Variants in PCDH15 observed in about 807,000 individuals in gnomAD.
The protein encoded by PCDH15 is protocadherin related 15, also known as protocadherin-15.
In PCDH15, 129 loss-of-function variants were observed where a neutral mutation model predicts 178.5. The observed-to-expected ratio is 0.72, with a 90% CI of 0.63 to 0.84. The LOEUF (loss-of-function observed/expected upper bound fraction) is 0.84, where lower values mean the gene tolerates loss of function less well. Ranked by LOEUF, PCDH15 falls within the 40% of genes least tolerant of loss-of-function variation. PCDH15 has a pLI of 0.00. For missense variants in PCDH15, 2,230 were observed against 2,099.9 expected, an observed-to-expected ratio of 1.06 and a Z score of -1.21; for synonymous variants, 800 against 732.0, an observed-to-expected ratio of 1.09 and a Z score of -1.50.
At chr10:55,552,570 T>C (rs1439312418) in intron 2 of PCDH15, among the ~76,000 whole-genome samples, 1 of 151,446 alleles carries the variant, frequency 6.6e-6, no homozygotes, top group Non-Finnish European at 1.5e-5. Context: ...CTAAGAATAC[T>C]TTTAGAACAA....
intron 1 of PCDH15, among the ~76,000 whole-genome samples, chr10:54,779,324 T>C (rs1278317844): frequency 6.7e-6 from 1 of 149,448 alleles, no homozygotes. Context: ...TCAGAGTTGG[T>C]AGTAATCAGG....
intron 20 of PCDH15, among the ~76,000 whole-genome samples, chr10:54,004,433 A>C (rs1440010172): frequency 1.3e-5 from 2 of 150,962 alleles, no homozygotes; most frequent in African/African-American, 4.9e-5. Context: ...ACACCACACA[A>C]AGTATTAGAA....
At chr10:54,105,022 G>C (rs909592430) in intron 15 of PCDH15, among the ~76,000 whole-genome samples, 1 of 151,490 alleles carries the variant, frequency 6.6e-6, no homozygotes, top group African/African-American at 2.4e-5. Context: ...CATTTATTTT[G>C]CATAACTGTC....
intron 2 of PCDH15, among the ~76,000 whole-genome samples, chr10:55,582,607 T>C: frequency 1.1e-5 from 1 of 89,186 alleles, no homozygotes; most frequent in Middle Eastern, 4.9e-3. Context: ...TATATATATA[T>C]ATATATATAT....
chr10:53,937,207 T>G (rs1393732050), intron 25 of PCDH15, among the ~76,000 whole-genome samples: 1 of 152,186 alleles, frequency 6.6e-6, no homozygotes, highest in Non-Finnish European at 1.5e-5. Flanking sequence ...CTAGTTGTAT[T>G]CACATATAAG....
At chr10:54,796,173 T>A (rs547756765) in intron 1 of PCDH15, among the ~76,000 whole-genome samples, 3 of 151,994 alleles carry the variant, frequency 2.0e-5, no homozygotes, top group Non-Finnish European at 2.9e-5. Flanking sequence ...ACACATTTAA[T>A]TTCATTCTCC....
chr10:53,843,696 A>G (rs898256505), intron 28 of PCDH15, among the ~76,000 whole-genome samples: 14 of 152,116 alleles, frequency 9.2e-5, no homozygotes, highest in Non-Finnish European at 2.1e-4. Flanking sequence ...TTCGTGATAA[A>G]AAAAGTCTTC....
chr10:54,195,981 T>C, intron 10 of PCDH15, 92 bp from the exon 11 acceptor site: 2 of 1,094,834 alleles, frequency 1.8e-6, no homozygotes, highest in South Asian at 2.7e-5. Context: ...AGGGTTCTCT[T>C]TTTAACTAAT....
rs1421833578 is a variant in PCDH15, at chr10:55,221,141, CAGAT to C, written c.-155-54494_-155-54491del. 1.1e-4 allele frequency among the ~76,000 whole-genome samples: 17 copies of C among 152,034 alleles called. 1 individual carries two copies. The highest frequency in any genetic ancestry group is 2.2e-4 in the African/African-American group (9 of 41,408). On this transcript the variant is annotated intron_variant, in intron 1 of 5. Transcript: ENST00000458638. Reference sequence around the variant, plus strand: ...AATGTGGAGTGAAAGAAAGCAGAAACAGATAGCACACACACACACTCACACATAC... The same window carrying C: ...AATGTGGAGTGAAAGAAAGCAGAAACAGCACACACACACACTCACACATAC...
intron 2 of PCDH15, among the ~76,000 whole-genome samples, chr10:55,496,491 C>G (rs930945977): frequency 6.6e-6 from 1 of 151,646 alleles, no homozygotes; most frequent in Non-Finnish European, 1.5e-5. Flanking sequence ...CTAAATTTAA[C>G]ACACACACAG....
At chr10:54,889,798 G>C (rs547740173) in intron 3 of PCDH15, among the ~76,000 whole-genome samples, 4 of 151,582 alleles carry the variant, frequency 2.6e-5, no homozygotes, top group Admixed American at 2.6e-4. Context: ...TCTTTAAAGA[G>C]AATGTGATAT....
At chr10:54,829,663 G>A (rs1288867774) in intron 3 of PCDH15, among the ~76,000 whole-genome samples, 1 of 151,996 alleles carries the variant, frequency 6.6e-6, no homozygotes, top group African/African-American at 2.4e-5. Flanking sequence ...AATGTTGTCT[G>A]TGCATTTCCT....
chr10:55,126,830 C>T (rs1305856121), intron 2 of PCDH15, among the ~76,000 whole-genome samples: 1 of 151,806 alleles, frequency 6.6e-6, no homozygotes, highest in Non-Finnish European at 1.5e-5. Context: ...ACATGACATC[C>T]CTCTAAGTAT....
chr10:54,338,755 G>A (rs1435235708), intron 6 of PCDH15, among the ~76,000 whole-genome samples: 1 of 151,490 alleles, frequency 6.6e-6, no homozygotes, highest in Non-Finnish European at 1.5e-5. Flanking sequence ...ATGTTATGCT[G>A]CTTCCTCAGT....
intron 15 of PCDH15, among the ~76,000 whole-genome samples, chr10:54,119,446 G>GA (rs1450088299): frequency 1.3e-5 from 2 of 151,520 alleles, no homozygotes; most frequent in Admixed American, 6.6e-5. Flanking sequence ...CAAAAATAAA[G>GA]AAAAAAGAAT....
chr10:54,023,932 T>C (rs1434385131), intron 18 of PCDH15, among the ~76,000 whole-genome samples: 2 of 151,902 alleles, frequency 1.3e-5, no homozygotes, highest in Non-Finnish European at 2.9e-5. Context: ...GAACATTAGA[T>C]GAAATAAAAC....
intron 2 of PCDH15, among the ~76,000 whole-genome samples, chr10:54,602,312 C>G (rs944024236): frequency 1.3e-5 from 2 of 151,452 alleles, no homozygotes; most frequent in Non-Finnish European, 2.9e-5. Context: ...TATTTTTAGC[C>G]TCTACAAATG....
intron 5 of PCDH15, among the ~76,000 whole-genome samples, chr10:54,359,048 A>G (rs1412631220): frequency 6.6e-6 from 1 of 150,442 alleles, no homozygotes; most frequent in East Asian, 2.0e-4. Context: ...ATTAGGAGAT[A>G]TACCTAATGC....
At chr10:54,217,694 T>C (rs1413826077) in intron 9 of PCDH15, among the ~76,000 whole-genome samples, 1 of 152,170 alleles carries the variant, frequency 6.6e-6, no homozygotes, top group Non-Finnish European at 1.5e-5. Flanking sequence ...CTATATATAA[T>C]GGCCAATATA....
Sources: allele counts gnomAD v4.1 joint callset (sites outside exome capture counted in the v4.1 genomes callset), GRCh38; gene constraint gnomAD v4.1.1; transcripts MANE v1.5; gene names NCBI Gene and HGNC (gene_info 2026-07-23, HGNC 2026-07-21).